Variants in HHIP observed in about 807,000 individuals in gnomAD.
HHIP encodes the protein hedgehog interacting protein, also known as hedgehog-interacting protein.
A neutral mutation model predicts 74.0 loss-of-function variants in HHIP; 12 were observed. The observed-to-expected ratio is 0.16, with a 90% CI of 0.10 to 0.26. The LOEUF (loss-of-function observed/expected upper bound fraction) is 0.26, where lower values mean the gene tolerates loss of function less well. Ranked by LOEUF, HHIP falls within the 10% of genes least tolerant of loss-of-function variation. The probability of loss-of-function intolerance (pLI) is 1.00; values close to 1 mark genes in which losing one functional copy is unlikely to be tolerated. For synonymous variants in HHIP, 309 were observed against 311.6 expected (o/e 0.99, Z 0.09); for missense variants, 788 against 845.0 (o/e 0.93, Z 0.84).
chr4:144,666,668 C>A (rs570897650), intron 4 of HHIP, among the ~76,000 whole-genome samples: 1 of 152,246 alleles, frequency 6.6e-6, no homozygotes, highest in South Asian at 2.1e-4. Flanking sequence ...AGTGGCACTG[C>A]ATGAGAGGAG....
In HHIP at chr4:144,738,220, T is replaced by C. The variant is rs140750701; in HGVS notation, c.*263T>C. 4.3e-4 allele frequency: 443 copies of C among 1,041,124 alleles called. 1 individual carries two copies. In the African/African-American group the frequency reaches 6.1e-3, roughly 14 times the overall value. The allele number at this position is 1,041,124 out of a possible 1,614,324, so 64.5% of individuals were successfully genotyped here. The stretch of plus-strand genomic sequence containing the variant: ...AAAATATATACTTCCTTATGCAAAG[T>C]AATTTACACAGAAATTCCATTGTAA... On this transcript the variant is annotated 3_prime_UTR_variant, in exon 13 of 13. Transcript: ENST00000296575.
At chr4:144,661,530 G>A (rs1728713917) in intron 4 of HHIP, among the ~76,000 whole-genome samples, 1 of 152,180 alleles carries the variant, frequency 6.6e-6, no homozygotes, top group African/African-American at 2.4e-5. Flanking sequence ...GGATATCAGA[G>A]TGTATAGTGA....
intron 1 of HHIP, 39 bp from the exon 2 acceptor site, chr4:144,652,566 C>G: frequency 8.1e-7 from 1 of 1,231,350 alleles, no homozygotes; most frequent in Non-Finnish European, 1.2e-6. Context: ...CCTAAATTTA[C>G]CTACTAAAAA....
rs111859614 is a variant in HHIP at position 144,691,007 on chromosome 4, G to A, written c.832-15524G>A. Among the ~76,000 whole-genome samples, 1,096 of 152,204 alleles carry A rather than the reference G, an allele frequency of 7.2e-3. 17 individuals carry two copies. The highest frequency in any genetic ancestry group is 0.025 in the African/African-American group (1,023 of 41,542). On this transcript the variant is annotated intron_variant, in intron 4 of 12. Transcript: ENST00000296575. ...AGTCACTCCAGCATTAATAAGGGCA[G>A]TTCTAACTTAGGCCATATTCCTACT...
At chr4:144,702,203 A>G (rs544935817) in intron 4 of HHIP, among the ~76,000 whole-genome samples, 2 of 152,200 alleles carry the variant, frequency 1.3e-5, no homozygotes, top group Admixed American at 6.5e-5. Flanking sequence ...TTTTATGATT[A>G]TCTCTTCTTT....
intron 4 of HHIP, among the ~76,000 whole-genome samples, chr4:144,677,342 G>A (rs575236016): frequency 6.6e-6 from 1 of 152,288 alleles, no homozygotes; most frequent in African/African-American, 2.4e-5. Flanking sequence ...CCCCCGTGTT[G>A]GCTTCATTTT....
intron 12 of HHIP, among the ~76,000 whole-genome samples, chr4:144,737,426 G>T (rs1412367551): frequency 1.3e-5 from 2 of 152,110 alleles, no homozygotes; most frequent in Non-Finnish European, 2.9e-5. Context: ...AGCTTGGGAG[G>T]CCCTCTGTAG....
chr4:144,712,346 T>C (rs1578717225), intron 8 of HHIP, among the ~76,000 whole-genome samples: 1 of 152,328 alleles, frequency 6.6e-6, no homozygotes, highest in South Asian at 2.1e-4. Context: ...GCTTATATTT[T>C]GTTCATCAGA....
Position 144,715,386 on chromosome 4 carries a change from G to A in HHIP, c.1634G>A (p.Gly545Asp). ...CTCGGCACTAGTGGGTCCTGTAGAG[G>A]CTACTTTTCCGGTCACATCTTGGGA... is the stretch of plus-strand genomic sequence containing the variant. ...LCLGTSGSCR[G>D]YFSGHILGFG... The change falls in exon 10 of 13, where the codon GGC (glycine) becomes GAC (aspartate). Residue 545 changes from glycine to aspartate, a missense_variant. Transcript: ENST00000296575. 1 of 1,613,456 alleles carries A rather than the reference G, an allele frequency of 6.2e-7. No individual in the cohort carries two copies. Among genetic ancestry groups the A allele is most frequent in the Non-Finnish European group, 8.5e-7 (1 of 1,179,516 alleles).
intron 4 of HHIP, among the ~76,000 whole-genome samples, chr4:144,692,298 C>A (rs1729695887): frequency 3.9e-5 from 6 of 152,114 alleles, no homozygotes; most frequent in Admixed American, 3.9e-4. Context: ...GTAATAGAGC[C>A]CACATTCTCT....
At chr4:144,647,140 C>T (rs1474546292) in intron 1 of HHIP, 186 bp downstream of exon 1, 3 of 540,938 alleles carry the variant, frequency 5.5e-6, no homozygotes, top group South Asian at 3.4e-5. Context: ...AGTAGCATTT[C>T]CTCCCCCAGA....
At chr4:144,650,454 C>A (rs1399695552) in intron 1 of HHIP, among the ~76,000 whole-genome samples, 1 of 151,964 alleles carries the variant, frequency 6.6e-6, no homozygotes, top group African/African-American at 2.4e-5. Flanking sequence ...TTAAGATTGA[C>A]GGCATCATCA....
rs201492802 is a variant in HHIP, at chr4:144,658,829, A to G, written c.512A>G (p.Tyr171Cys). The G allele has an allele frequency of 1.9e-6, 3 of 1,613,732 alleles. No individual in the cohort carries two copies. Among genetic ancestry groups the G allele is most frequent in the Non-Finnish European group, 1.7e-6 (2 of 1,179,766 alleles). ...QTTADEFCFY[Y>C]ARKDGGLCFP... Reference sequence around the variant, plus strand: ...ACTGCGGATGAGTTTTGCTTTTACTATGCAAGAAAAGATGGTGGGTTGTGC... The same window carrying G: ...ACTGCGGATGAGTTTTGCTTTTACTGTGCAAGAAAAGATGGTGGGTTGTGC... The change falls in exon 3 of 13, where the codon TAT (tyrosine) becomes TGT (cysteine). Residue 171 changes from tyrosine to cysteine, a missense_variant. Physicochemically the swap from Tyr to Cys is radical, Grantham distance 194 (BLOSUM62 -2). Around this residue, in one of 3 missense-constraint regions of HHIP, gnomAD observed 373 missense variants for 366.4 expected, o/e 1.02. Coordinates refer to ENST00000296575, the MANE Select transcript of HHIP (RefSeq NM_022475.3).
chr4:144,735,593 A>C (rs1578733947), intron 12 of HHIP, among the ~76,000 whole-genome samples: 1 of 152,302 alleles, frequency 6.6e-6, no homozygotes, highest in East Asian at 1.9e-4. Context: ...AGAGTTTAAA[A>C]TGTGTATGTT....
At chr4:144,719,099 T>C in intron 11 of HHIP, 143 bp downstream of exon 11, 1 of 634,482 alleles carries the variant, frequency 1.6e-6, no homozygotes. Context: ...AGAGCTGTCC[T>C]GAAAGGATTT....
intron 8 of HHIP, 74 bp downstream of exon 8, chr4:144,712,145 A>T (rs1730323619): frequency 7.5e-6 from 10 of 1,331,744 alleles, no homozygotes; most frequent in Non-Finnish European, 8.4e-6. Context: ...TTGAAGAGAA[A>T]GGGATTTCTG....
At chr4:144,674,312 G>A (rs575516064) in intron 4 of HHIP, among the ~76,000 whole-genome samples, 1 of 152,270 alleles carries the variant, frequency 6.6e-6, no homozygotes, top group Admixed American at 6.5e-5. Context: ...TTTTTAAAAT[G>A]TGCGAAGGCC....
chr4:144,721,468 T>C lies in HHIP; in HGVS notation c.1760+2512T>C, dbSNP rs1434187482. Among the ~76,000 whole-genome samples the C allele has an allele frequency of 4.6e-5, 7 of 152,088 alleles. No individual in the cohort carries two copies. In the East Asian group the frequency reaches 5.8e-4, roughly 13 times the overall value. On this transcript the variant is annotated intron_variant, in intron 11 of 12. Transcript: ENST00000296575. ...TAAGTTACATAATCATTTACATAAG[T>C]TCAAATCAATTACAGTGTGCAGCAA...
At chr4:144,724,281 A>G (rs975179156) in intron 11 of HHIP, among the ~76,000 whole-genome samples, 5 of 152,156 alleles carry the variant, frequency 3.3e-5, no homozygotes, top group Non-Finnish European at 7.4e-5. Context: ...GCTATTATAT[A>G]ATAATTTATG....
Sources: gnomAD v4.1 joint callset for allele counts (sites outside exome capture counted in the v4.1 genomes callset) on GRCh38, gnomAD v4.1.1 for gene constraint, gnomAD v4.1.1 regional missense constraint, MANE v1.5 for transcripts, NCBI Gene and HGNC (gene_info 2026-07-23, HGNC 2026-07-21) for gene names.